TNRC6A: variants seen among roughly 807,000 people sequenced by gnomAD.
TNRC6A encodes the protein trinucleotide repeat containing adaptor 6A.
A neutral mutation model predicts 221.2 loss-of-function variants in TNRC6A; 44 were observed. The ratio of observed to expected loss-of-function variants is 0.20; its 90% CI spans 0.16 to 0.26. The LOEUF is 0.26. Among genes scored for constraint, TNRC6A ranks in the 10% least tolerant of loss-of-function variants. The pLI, the probability that TNRC6A is intolerant of heterozygous loss-of-function variation, is 1.00. For missense variants in TNRC6A, 2,199 were observed against 2,404.4 expected (o/e 0.91, Z 1.79); for synonymous variants, 847 against 838.5 (o/e 1.01, Z -0.18).
chr16:24,751,335 C>T (rs1379634500), intron 3 of TNRC6A, among the ~76,000 whole-genome samples: 1 of 152,054 alleles, frequency 6.6e-6, no homozygotes, highest in Non-Finnish European at 1.5e-5. Flanking sequence ...GTTTCTTTTT[C>T]CCTCTTTATT....
At chr16:24,614,092 G>C (rs181767220) in intron 1 of TNRC6A, among the ~76,000 whole-genome samples, 1 of 152,162 alleles carries the variant, frequency 6.6e-6, no homozygotes, top group Non-Finnish European at 1.5e-5. Flanking sequence ...TTGGTTGTTC[G>C]TGGATGATCT....
At chr16:24,649,663 G>A (rs778787313) in intron 2 of TNRC6A, among the ~76,000 whole-genome samples, 1 of 151,706 alleles carries the variant, frequency 6.6e-6, no homozygotes, top group East Asian at 1.9e-4. Context: ...TACTCTCTTA[G>A]CAATTTTCAA....
intron 19 of TNRC6A, 38 bp from the exon 20 acceptor site, chr16:24,816,777 TG>T (rs2058667265): frequency 6.3e-7 from 1 of 1,584,214 alleles, no homozygotes; most frequent in Admixed American, 1.8e-5. Flanking sequence ...TTTAAAATGA[TG>T]ATTAAGCTTT....
chr16:24,670,942 G>A, intron 2 of TNRC6A: 1 of 386,414 alleles, frequency 2.6e-6, no homozygotes, highest in Non-Finnish European at 5.4e-6. Context: ...GCTGACAGGG[G>A]GTACCAGCAC....
At chr16:24,793,945 T>C (rs2058165375) in intron 7 of TNRC6A, among the ~76,000 whole-genome samples, 1 of 152,182 alleles carries the variant, frequency 6.6e-6, no homozygotes, top group Non-Finnish European at 1.5e-5. Context: ...CTAGCAACTT[T>C]CATGCCATCC....
intron 2 of TNRC6A, among the ~76,000 whole-genome samples, chr16:24,733,486 A>G (rs544362107): frequency 4.6e-5 from 7 of 152,366 alleles, no homozygotes; most frequent in Admixed American, 1.3e-4. Flanking sequence ...CATGGGAGCC[A>G]TAATATCTAC....
chr16:24,771,822 A>G (rs1820721147), intron 4 of TNRC6A, among the ~76,000 whole-genome samples: 1 of 152,098 alleles, frequency 6.6e-6, no homozygotes, highest in African/African-American at 2.4e-5. Context: ...AGGACCTTCT[A>G]TTCCTCTGTG....
intron 4 of TNRC6A, among the ~76,000 whole-genome samples, chr16:24,774,884 C>A (rs929871693): frequency 1.3e-5 from 2 of 152,176 alleles, no homozygotes; most frequent in Non-Finnish European, 2.9e-5. Flanking sequence ...TGCTTTGAAT[C>A]ATCTCTAGAT....
intron 2 of TNRC6A, among the ~76,000 whole-genome samples, chr16:24,749,308 C>T (rs942707127): frequency 2.0e-5 from 3 of 152,096 alleles, no homozygotes; most frequent in Non-Finnish European, 2.9e-5. Flanking sequence ...CTTTACTTTA[C>T]AGTGTGATGG....
In TNRC6A at chr16:24,768,143, G is replaced by T. The variant is rs1020714177; in HGVS notation, c.164-8790G>T. Among the ~76,000 whole-genome samples, 4 of 152,072 alleles carry T rather than the reference G, an allele frequency of 2.6e-5. No individual in the cohort carries two copies. In the South Asian group the frequency reaches 8.3e-4, roughly 32 times the overall value. On this transcript the variant is annotated intron_variant, in intron 4 of 24. Coordinates refer to ENST00000395799, the MANE Select transcript of TNRC6A (RefSeq NM_014494.4). ...TCTGAATTTTTTTCTTTTAAAAAGT[G>T]TGCCTGGGCCGGGCGCGGTGGCTCA...
intron 3 of TNRC6A, among the ~76,000 whole-genome samples, chr16:24,755,073 C>T (rs1298174199): frequency 2.6e-5 from 4 of 152,138 alleles, no homozygotes; most frequent in Non-Finnish European, 5.9e-5. Context: ...TAGGTGTTCT[C>T]TTACAGTCTT....
At chr16:24,797,777 T>C (rs1335509363) in intron 10 of TNRC6A, 138 bp from the exon 11 acceptor site, 3 of 876,062 alleles carry the variant, frequency 3.4e-6, no homozygotes, top group Non-Finnish European at 5.0e-6. Flanking sequence ...TTTTAAAAAT[T>C]ACATTAGGCA....
At chr16:24,612,525 T>C (rs1242691648) in intron 1 of TNRC6A, among the ~76,000 whole-genome samples, 1 of 151,702 alleles carries the variant, frequency 6.6e-6, no homozygotes, top group African/African-American at 2.4e-5. Flanking sequence ...GGCGGCTGGA[T>C]TGCTTGAACC....
intron 2 of TNRC6A, among the ~76,000 whole-genome samples, chr16:24,748,531 G>A (rs898763566): frequency 1.3e-5 from 2 of 152,032 alleles, no homozygotes; most frequent in Non-Finnish European, 2.9e-5. Context: ...AAATGACAGC[G>A]AAGTATAGCA....
chr16:24,722,180 G>C (rs939125447), intron 2 of TNRC6A, among the ~76,000 whole-genome samples: 3 of 152,196 alleles, frequency 2.0e-5, no homozygotes, highest in African/African-American at 7.2e-5. Context: ...GGAGGCCAAG[G>C]TGGGAGGATC....
At chr16:24,805,188 C>CA (rs773383340) in intron 14 of TNRC6A, 37 bp downstream of exon 14, 3 of 1,601,304 alleles carry the variant, frequency 1.9e-6, no homozygotes, top group East Asian at 2.2e-5. Context: ...TGTTTACCTG[C>CA]AAAAAGGATC....
chr16:24,777,065 AGCAACAGCAGCAGCC>A lies in TNRC6A; in HGVS notation c.300_314del (p.Gln108_Gln112del). 1 of 1,607,520 alleles carries A rather than the reference AGCAACAGCAGCAGCC, an allele frequency of 6.2e-7. No individual in the cohort carries two copies. Among genetic ancestry groups the A allele is most frequent in the Middle Eastern group, 1.7e-4 (1 of 5,946 alleles). On this transcript the variant is annotated inframe_deletion, in exon 5 of 25. Transcript: ENST00000395799. ...AACAATCAGCAGCCACAGCAGCAGC[AGCAACAGCAGCAGCC>A]GCAGCAGCAGCAGCCACAGCAGCAG...
chr16:24,627,567 C>G (rs776990451), intron 1 of TNRC6A, among the ~76,000 whole-genome samples: 1 of 152,006 alleles, frequency 6.6e-6, no homozygotes, highest in Admixed American at 6.6e-5. Context: ...AACTGCCTTC[C>G]CTCAGGAGTG....
intron 19 of TNRC6A, chr16:24,816,405 G>C (rs1182819490): frequency 1.3e-5 from 2 of 159,080 alleles, no homozygotes; most frequent in South Asian, 3.6e-4. Context: ...ACTTTGGGAG[G>C]CTGAGGTGGG....
Sources: gnomAD v4.1 joint callset for allele counts (sites outside exome capture counted in the v4.1 genomes callset) on GRCh38, gnomAD v4.1.1 for gene constraint, MANE v1.5 for transcripts, NCBI Gene and HGNC (gene_info 2026-07-23, HGNC 2026-07-21) for gene names.